Variants in STK26 observed in about 807,000 individuals in gnomAD.
STK26 encodes the protein serine/threonine kinase 26, also known as serine/threonine-protein kinase 26.
In STK26, 14 loss-of-function variants were observed where a neutral mutation model predicts 34.7. That is an observed-to-expected ratio of 0.40 (90% CI 0.27 to 0.63). The LOEUF (loss-of-function observed/expected upper bound fraction) is 0.63, where lower values mean the gene tolerates loss of function less well. Among genes scored for constraint, STK26 ranks in the 30% least tolerant of loss-of-function variants. The pLI, the probability that STK26 is intolerant of heterozygous loss-of-function variation, is 0.38. For missense variants in STK26, 226 were observed against 309.1 expected (o/e 0.73, Z 2.02); for synonymous variants, 100 against 109.8 (o/e 0.91, Z 0.56).
At chrX:132,038,090 T>C (rs1361174992) in intron 2 of STK26, among the ~76,000 whole-genome samples, 1 of 110,652 alleles carries the variant, frequency 9.0e-6, no homozygotes, top group Non-Finnish European at 1.9e-5. Flanking sequence ...GAAGGTAGAA[T>C]TTCATAATAA....
chrX:132,060,836 C>T (rs1161467786), intron 3 of STK26, among the ~76,000 whole-genome samples: 1 of 110,088 alleles, frequency 9.1e-6, no homozygotes, highest in Non-Finnish European at 1.9e-5. Flanking sequence ...AGACTGCTCT[C>T]AGACTCCTGG....
At chrX:132,071,658 A>G (rs1312328201) in intron 8 of STK26, among the ~76,000 whole-genome samples, 2 of 112,211 alleles carry the variant, frequency 1.8e-5, no homozygotes, top group African/African-American at 3.2e-5. Flanking sequence ...ATATTCATTT[A>G]TGCATGATTT....
chrX:132,064,141 TC>T (rs1190985476), intron 4 of STK26, among the ~76,000 whole-genome samples: 1 of 111,768 alleles, frequency 8.9e-6, no homozygotes. Flanking sequence ...TGGACTTCTT[TC>T]CCAGTCTCCA....
chrX:132,062,898 T>C (rs1927100791), intron 3 of STK26, among the ~76,000 whole-genome samples: 1 of 111,787 alleles, frequency 8.9e-6, no homozygotes, highest in Non-Finnish European at 1.9e-5. Context: ...ATGGAAAAAA[T>C]ATATTCGGGG....
chrX:132,043,272 A>G (rs972846499), intron 2 of STK26, among the ~76,000 whole-genome samples: 2 of 112,233 alleles, frequency 1.8e-5, no homozygotes, highest in African/African-American at 3.2e-5. Context: ...AACCAAAGGC[A>G]TTTATTTCTG....
intron 2 of STK26, among the ~76,000 whole-genome samples, chrX:132,054,303 G>T (rs1389090040): frequency 3.6e-5 from 4 of 112,285 alleles, no homozygotes; most frequent in African/African-American, 1.3e-4. Flanking sequence ...TGCTACATTT[G>T]CATTAATGTG....
At chrX:132,073,193 C>T in intron 11 of STK26, 100 bp downstream of exon 11, 1 of 918,892 alleles carries the variant, frequency 1.1e-6, no homozygotes, top group Non-Finnish European at 1.5e-6. Context: ...TCCAATTATT[C>T]CTAACAAAGT....
chrX:132,028,609 G>A (rs998439905), intron 2 of STK26, among the ~76,000 whole-genome samples: 1 of 111,785 alleles, frequency 8.9e-6, no homozygotes, highest in Non-Finnish European at 1.9e-5. Flanking sequence ...ATGCCAGAAA[G>A]AATATGTGGA....
rs1927434695 is a variant in STK26, at chrX:132,072,138, G to A, written c.933-130G>A. 35 of 504,128 alleles carry A rather than the reference G, an allele frequency of 6.9e-5. No homozygotes were observed. In the South Asian group the frequency reaches 1.1e-3, roughly 16 times the overall value. The allele number at this position is 504,128 out of a possible 1,213,427, so 41.5% of individuals were successfully genotyped here. ...TATTCGCCTGAAGCTGAGATCAGAT[G>A]CTTTTTTGCATCATGAGTTTTTAAA... is the stretch of plus-strand genomic sequence containing the variant. On this transcript the variant is annotated intron_variant, in intron 8 of 11. Transcript: ENST00000394334.
At chrX:132,041,272 G>C (rs1282133593) in intron 2 of STK26, among the ~76,000 whole-genome samples, 1 of 111,491 alleles carries the variant, frequency 9.0e-6, no homozygotes, top group African/African-American at 3.3e-5. Flanking sequence ...AGCTGAGCTG[G>C]CTTTCAGACT....
chrX:132,043,359 T>G (rs1233761822), intron 2 of STK26, among the ~76,000 whole-genome samples: 2 of 111,977 alleles, frequency 1.8e-5, no homozygotes, highest in South Asian at 3.7e-4. Flanking sequence ...ATCTGTCACT[T>G]CAAAGTGCCC....
At chrX:132,060,471 TG>T (rs771877653) in intron 3 of STK26, among the ~76,000 whole-genome samples, 2 of 111,721 alleles carry the variant, frequency 1.8e-5, no homozygotes, top group South Asian at 3.7e-4. Flanking sequence ...ATGTGCTGTA[TG>T]TTTTTTTTAA....
intron 11 of STK26, among the ~76,000 whole-genome samples, 199 bp from the exon 12 acceptor site, chrX:132,073,936 C>T (rs1372080786): frequency 9.0e-6 from 1 of 111,486 alleles, no homozygotes; most frequent in East Asian, 2.8e-4. Flanking sequence ...CATTTGAAAA[C>T]AAATCAATCG....
At chrX:132,074,001 T>C (rs1249944007) in intron 11 of STK26, 134 bp from the exon 12 acceptor site, 5 of 493,097 alleles carry the variant, frequency 1.0e-5, no homozygotes, top group Non-Finnish European at 1.6e-5. Context: ...TATTTTAACA[T>C]CTACATGATA....
intron 2 of STK26, among the ~76,000 whole-genome samples, chrX:132,028,818 GAGAAA>G (rs1925714533): frequency 9.0e-6 from 1 of 111,703 alleles, no homozygotes; most frequent in African/African-American, 3.3e-5. Context: ...ACCTACATTG[GAGAAA>G]GAATTCAGGT....
At chrX:132,071,772 A>C (rs767605911) in intron 8 of STK26, among the ~76,000 whole-genome samples, 4 of 112,496 alleles carry the variant, frequency 3.6e-5, no homozygotes, top group Non-Finnish European at 7.5e-5. Flanking sequence ...TCTGTATGCT[A>C]TGCCAGAATT....
chrX:132,069,451 A>G (rs904589823), intron 6 of STK26, 27 bp from the exon 7 acceptor site: 2 of 211,833 alleles, frequency 9.4e-6, no homozygotes, highest in Non-Finnish European at 7.1e-6. Context: ...ATATATATAT[A>G]TTATTTTCTT....
chrX:132,025,647 CTTT>C (rs57313614), intron 2 of STK26, among the ~76,000 whole-genome samples: 3 of 81,705 alleles, frequency 3.7e-5, no homozygotes. Flanking sequence ...AGAGAGGAAT[CTTT>C]TTTTTTTTTT....
intron 2 of STK26, among the ~76,000 whole-genome samples, chrX:132,035,173 G>A (rs1280123475): frequency 1.8e-5 from 2 of 111,292 alleles, no homozygotes. Context: ...AATCTTATGT[G>A]AAGATAGTAG....
Sources: allele counts gnomAD v4.1 joint callset (sites outside exome capture counted in the v4.1 genomes callset), GRCh38; gene constraint gnomAD v4.1.1; transcripts MANE v1.5; gene names NCBI Gene and HGNC (gene_info 2026-07-23, HGNC 2026-07-21).